The following GALNT2 variants were observed in gnomAD, a reference collection of about 807,000 sequenced individuals.
GALNT2 encodes the protein UDP-GalNAc:polypeptide N-acetylgalactosaminyltransferase 2.
Under a neutral mutation model 81.4 loss-of-function variants are expected in GALNT2, and 31 were observed. The ratio of observed to expected loss-of-function variants is 0.38; its 90% CI spans 0.29 to 0.51. The LOEUF (loss-of-function observed/expected upper bound fraction) is 0.51. GALNT2 is among the 20% of genes least tolerant of loss of function. The pLI is 0.87. For missense variants in GALNT2, 629 were observed against 765.7 expected (o/e 0.82, Z 2.11); for synonymous variants, 303 against 287.4 (o/e 1.05, Z -0.55).
chr1:230,128,277 G>GTGTGTGTGTGTGTGTGT (rs1571994642), intron 1 of GALNT2, among the ~76,000 whole-genome samples: 1 of 151,868 alleles, frequency 6.6e-6, no homozygotes, highest in African/African-American at 2.4e-5. Flanking sequence ...GTGTGTGTGT[G>GTGTGTGTGTGTGTGTGT]GTTATGAAGG....
intron 1 of GALNT2, among the ~76,000 whole-genome samples, chr1:230,097,621 A>C (rs1660289793): frequency 6.6e-6 from 1 of 152,190 alleles, no homozygotes; most frequent in South Asian, 2.1e-4. Context: ...GCTGAGTAAT[A>C]TGTACATGTG....
At chr1:230,119,907 G>C (rs1289097876) in intron 1 of GALNT2, among the ~76,000 whole-genome samples, 1 of 152,126 alleles carries the variant, frequency 6.6e-6, no homozygotes, top group Non-Finnish European at 1.5e-5. Flanking sequence ...GATTGTCATG[G>C]CCTTTGAGGA....
At chr1:230,064,704 G>T (rs1659128973), upstream of GALNT2, among the ~76,000 whole-genome samples, 1 of 152,126 alleles carries the variant, frequency 6.6e-6, no homozygotes, top group Non-Finnish European at 1.5e-5. Context: ...TAGTGATGGG[G>T]TTTCACCACT....
chr1:230,196,745 C>A (rs1445837854), intron 2 of GALNT2, among the ~76,000 whole-genome samples: 1 of 152,120 alleles, frequency 6.6e-6, no homozygotes, highest in African/African-American at 2.4e-5. Context: ...AGAAGTTCCG[C>A]ATCTGAGTGG....
At position 230,173,339 on chromosome 1, in the gene GALNT2, C is replaced by T. The variant is rs1662856848; in HGVS notation, c.127-4879C>T. On this transcript the variant is annotated intron_variant, in intron 1 of 15. Coordinates refer to ENST00000366672, the MANE Select transcript of GALNT2 (RefSeq NM_004481.5). Reference sequence around the variant, plus strand: ...GTTTCTCATTTGGTTGGCAGGGCATCCTAGACCTCTGGTTAAACTTCCCTG... The same window carrying T: ...GTTTCTCATTTGGTTGGCAGGGCATTCTAGACCTCTGGTTAAACTTCCCTG... 2.6e-5 allele frequency among the ~76,000 whole-genome samples: 4 copies of T among 152,186 alleles called. No individual in the cohort carries two copies. In the South Asian group the frequency reaches 6.2e-4, roughly 24 times the overall value.
At position 230,070,392 on chromosome 1, in the gene GALNT2, A is replaced by G. The variant is rs1269783628; in HGVS notation, c.126+2986A>G. Among the ~76,000 whole-genome samples, 6 of 152,140 alleles carry G rather than the reference A, an allele frequency of 3.9e-5. No homozygotes were observed. Among genetic ancestry groups the G allele is most frequent in the Non-Finnish European group, 8.8e-5 (6 of 68,034 alleles). ...GTACGTTGGCAGTGGATGGAGCCGC[A>G]GAAGAGAGGAAGGGATTTCTCTGGA... On this transcript the variant is annotated intron_variant, in intron 1 of 15. Coordinates refer to ENST00000366672, the MANE Select transcript of GALNT2 (RefSeq NM_004481.5). The surrounding 1 kb of genome is among the most constrained non-coding windows in gnomAD (Gnocchi z 4.7).
chr1:230,129,654 C>T (rs1430577718), intron 1 of GALNT2, among the ~76,000 whole-genome samples: 1 of 152,188 alleles, frequency 6.6e-6, no homozygotes, highest in African/African-American at 2.4e-5. Context: ...AAACAATACA[C>T]CCAAGGGTCC....
At chr1:230,172,970 G>A (rs185282661) in intron 1 of GALNT2, among the ~76,000 whole-genome samples, 14 of 152,272 alleles carry the variant, frequency 9.2e-5, no homozygotes, top group African/African-American at 2.6e-4. Context: ...ATGGATTCCC[G>A]TCTGATTACA....
intron 1 of GALNT2, among the ~76,000 whole-genome samples, chr1:230,086,730 C>T (rs1035377062): frequency 1.3e-5 from 2 of 152,142 alleles, no homozygotes; most frequent in African/African-American, 2.4e-5. Context: ...CAATTAATAA[C>T]TTGTTATTCA....
intron 1 of GALNT2, among the ~76,000 whole-genome samples, chr1:230,126,950 T>C (rs776826323): frequency 2.6e-4 from 40 of 152,346 alleles, no homozygotes; most frequent in Middle Eastern, 6.8e-3. Flanking sequence ...AAACCATTCC[T>C]GTAAAATTGC....
chr1:230,063,843 C>T (rs566167791), upstream of GALNT2, among the ~76,000 whole-genome samples: 4 of 152,212 alleles, frequency 2.6e-5, no homozygotes, highest in East Asian at 1.9e-4. Context: ...TTGGGGTTTC[C>T]GTTATGCCTA....
At chr1:230,134,928 T>G (rs1472780193) in intron 1 of GALNT2, among the ~76,000 whole-genome samples, 1 of 152,246 alleles carries the variant, frequency 6.6e-6, no homozygotes, top group Non-Finnish European at 1.5e-5. Flanking sequence ...CTCCGCTGTA[T>G]TTAAGTATGA....
intron 3 of GALNT2, among the ~76,000 whole-genome samples, chr1:230,227,511 CTATATATGCTATATAATACAGCTATATA>C (rs1351448656): frequency 4.5e-4 from 65 of 145,976 alleles, no homozygotes; most frequent in African/African-American, 1.6e-3. Context: ...TATAATACAG[CTATATATGCTATATAATACAGCTATATA>C]TATATATGCT....
At position 230,271,327 on chromosome 1, in the gene GALNT2, T is replaced by A. The variant is rs1438111019; in HGVS notation, c.1441-3118T>A. 1.3e-5 allele frequency among the ~76,000 whole-genome samples: 2 copies of A among 152,242 alleles called. No individual in the cohort carries two copies. The highest frequency in any genetic ancestry group is 2.9e-5 in the Non-Finnish European group (2 of 68,046). ...GTGACCCAGTGAATAGGAAAAAAGC[T>A]GCTTTTCCTCCTTTATACTCTCACA... On this transcript the variant is annotated intron_variant, in intron 14 of 15. Transcript: ENST00000366672. This position sits in a 1 kb window ranked among gnomAD's most constrained non-coding sequence, Gnocchi z 4.2.
chr1:230,260,829 T>G (rs1007817100), intron 11 of GALNT2, among the ~76,000 whole-genome samples: 6 of 152,228 alleles, frequency 3.9e-5, no homozygotes, highest in Non-Finnish European at 8.8e-5. Context: ...ACCAAACCAG[T>G]TGTGCCATAA....
Position 230,176,769 on chromosome 1 carries a change from C to CT in GALNT2, c.127-1443dup, listed in dbSNP as rs1428261266. On this transcript the variant is annotated intron_variant, in intron 1 of 15. Coordinates refer to ENST00000366672, the MANE Select transcript of GALNT2 (RefSeq NM_004481.5). ...AAGTTATAAATATATCTTTTCAAAACTTTTTTGCAGTAAAAATTATTTAAA... is the reference window on the plus strand; with the variant it reads ...AAGTTATAAATATATCTTTTCAAAACTTTTTTTGCAGTAAAAATTATTTAAA... Among the ~76,000 whole-genome samples, 3 of 152,286 alleles carry CT rather than the reference C, an allele frequency of 2.0e-5. No individual in the cohort carries two copies. The South Asian group carries it at 6.2e-4, about 32-fold the overall frequency.
At chr1:230,232,222 A>G (rs1664886985) in intron 3 of GALNT2, among the ~76,000 whole-genome samples, 1 of 152,230 alleles carries the variant, frequency 6.6e-6, no homozygotes, top group African/African-American at 2.4e-5. Flanking sequence ...TCTGGGATGT[A>G]AAATATTTCT....
At chr1:230,074,594 G>C (rs1403310897) in intron 1 of GALNT2, among the ~76,000 whole-genome samples, 1 of 152,190 alleles carries the variant, frequency 6.6e-6, no homozygotes, top group Non-Finnish European at 1.5e-5. Flanking sequence ...CGTTAATTTT[G>C]ATTTCATTCC....
intron 10 of GALNT2, among the ~76,000 whole-genome samples, chr1:230,254,785 A>G (rs909776487): frequency 6.6e-6 from 1 of 152,200 alleles, no homozygotes; most frequent in Non-Finnish European, 1.5e-5. Context: ...CACGGTGTTG[A>G]TACGAAGCAA....
Sources: gnomAD v4.1 joint callset for allele counts (sites outside exome capture counted in the v4.1 genomes callset) on GRCh38, gnomAD v4.1.1 for gene constraint, Gnocchi (gnomAD v3.1) non-coding constraint, MANE v1.5 for transcripts, NCBI Gene and HGNC (gene_info 2026-07-23, HGNC 2026-07-21) for gene names.